Variants in MRPS22 observed in about 807,000 individuals in gnomAD.
The protein encoded by MRPS22 is mitochondrial ribosomal protein S22.
MRPS22 carries 30 observed loss-of-function variants against 44.0 expected under a neutral mutation model. The observed-to-expected ratio is 0.68, with a 90% confidence interval of 0.51 to 0.93. The LOEUF (loss-of-function observed/expected upper bound fraction) is 0.93, where lower values mean the gene tolerates loss of function less well. MRPS22 is among the 40% of genes least tolerant of loss of function. The probability of loss-of-function intolerance (pLI) is 0.00; values close to 1 mark genes in which losing one functional copy is unlikely to be tolerated. For missense variants in MRPS22, 447 were observed against 447.8 expected (o/e 1.00, Z 0.02); for synonymous variants, 165 against 154.4 (o/e 1.07, Z -0.51).
rs552306433 is a variant in MRPS22, at chr3:139,355,922, T to C, written c.987+132T>C. 2.4e-5 allele frequency: 18 copies of C among 743,278 alleles called. No individual in the cohort carries two copies. The South Asian group carries it at 2.7e-4, about 11-fold the overall frequency. 46.0% of individuals were successfully genotyped at this position (743,278 alleles called of 1,614,324 possible). On this transcript the variant is annotated intron_variant, in intron 7 of 7. Coordinates refer to ENST00000680020, the MANE Select transcript of MRPS22 (RefSeq NM_020191.4). ...ACATCTGTGGTCTTGAAAACATCAG[T>C]ATGATTTGTCCCCATATTTCTTCAG...
intron 5 of MRPS22, chr3:139,352,239 G>A (rs550563217): frequency 2.4e-5 from 5 of 208,638 alleles, no homozygotes; most frequent in African/African-American, 1.2e-4. Context: ...CTACAGTGGA[G>A]AAGGCACAGA....
chr3:139,349,484 G>A (rs1199855430), intron 3 of MRPS22: 1 of 230,666 alleles, frequency 4.3e-6, no homozygotes, highest in South Asian at 4.6e-5. Context: ...TGCCACTCCC[G>A]GTATTGCAAA....
chr3:139,351,096 G>A, intron 5 of MRPS22, 36 bp downstream of exon 5: 2 of 1,468,200 alleles, frequency 1.4e-6, no homozygotes, highest in Non-Finnish European at 1.9e-6. Flanking sequence ...ATAGGCTTAA[G>A]TATGGTTATG....
In MRPS22 at chr3:139,348,660, C is replaced by T. The variant is rs1427636073; in HGVS notation, c.504+336C>T. 3.9e-5 allele frequency among the ~76,000 whole-genome samples: 6 copies of T among 152,172 alleles called. 1 individual carries two copies. Among genetic ancestry groups the T allele is most frequent in the Admixed American group, 3.9e-4 (6 of 15,280 alleles). On this transcript the variant is annotated intron_variant, in intron 3 of 7. Transcript: ENST00000680020. Reference sequence around the variant, plus strand: ...GGCAATGGAAGCAGGAGACTCTTTTCGCCTAAGTTAGATGGATTTCTTTAG... The same window carrying T: ...GGCAATGGAAGCAGGAGACTCTTTTTGCCTAAGTTAGATGGATTTCTTTAG...
At chr3:139,346,287 G>T (rs1941037285) in intron 1 of MRPS22, among the ~76,000 whole-genome samples, 1 of 152,092 alleles carries the variant, frequency 6.6e-6, no homozygotes, top group Admixed American at 6.5e-5. Flanking sequence ...TCCAGGCTAT[G>T]CTTAGTTTCT....
chr3:139,348,085 G>A, intron 2 of MRPS22, 75 bp from the exon 3 acceptor site: 1 of 1,482,110 alleles, frequency 6.7e-7, no homozygotes, highest in Non-Finnish European at 9.3e-7. Flanking sequence ...TTTTTTATTA[G>A]TATGTGCTTT....
intron 5 of MRPS22, chr3:139,351,374 A>G (rs560674415): frequency 1.5e-4 from 57 of 371,962 alleles, no homozygotes; most frequent in African/African-American, 1.1e-3. Context: ...TAGGAATCAA[A>G]TTATTTACTA....
Position 139,348,326 on chromosome 3 carries a change from T to A in MRPS22, c.504+2T>A. The A allele has an allele frequency of 6.2e-7, 1 of 1,613,544 alleles. No homozygotes were observed. Among genetic ancestry groups the A allele is most frequent in the Non-Finnish European group, 8.5e-7 (1 of 1,179,744 alleles). ...ATATCATATAGCATACCACACCGGGTGAGTATATGTCTAATCGCAAAATGA... is the reference window on the plus strand; with the variant it reads ...ATATCATATAGCATACCACACCGGGAGAGTATATGTCTAATCGCAAAATGA... On this transcript the variant is annotated splice_donor_variant, in intron 3 of 7. Coordinates refer to ENST00000680020, the MANE Select transcript of MRPS22 (RefSeq NM_020191.4). LOFTEE classifies it high-confidence loss of function.
chr3:139,350,677 C>T (rs901709383), intron 4 of MRPS22: 2 of 362,026 alleles, frequency 5.5e-6, no homozygotes, highest in Non-Finnish European at 1.0e-5. Flanking sequence ...TCGCACCCCC[C>T]CCCCGCAATC....
chr3:139,350,165 T>G lies in MRPS22; in HGVS notation c.505-14T>G. ...CCTCACAAACGCATCCTTGATTATG[T>G]TTTTCTATTTTAGGAGCGTTTTATT... On this transcript the variant is annotated splice_polypyrimidine_tract_variant and intron_variant, in intron 3 of 7. Coordinates refer to ENST00000680020, the MANE Select transcript of MRPS22 (RefSeq NM_020191.4). The G allele has an allele frequency of 1.2e-6, 2 of 1,614,012 alleles. No homozygotes were observed. The highest frequency in any genetic ancestry group is 1.7e-6 in the Non-Finnish European group (2 of 1,179,942).
chr3:139,353,051 T>C (rs1040419934), intron 6 of MRPS22, among the ~76,000 whole-genome samples: 1 of 152,150 alleles, frequency 6.6e-6, no homozygotes, highest in African/African-American at 2.4e-5. Flanking sequence ...TAACTTATCC[T>C]GAGCTCACCA....
At chr3:139,351,210 A>T in intron 5 of MRPS22, 150 bp downstream of exon 5, 4 of 659,224 alleles carry the variant, frequency 6.1e-6, no homozygotes, top group Non-Finnish European at 1.1e-5. Flanking sequence ...TGTGTGCCAG[A>T]TATATATTTT....
At chr3:139,344,532 G>T (rs1405065874) in intron 1 of MRPS22, 1 of 610,052 alleles carries the variant, frequency 1.6e-6, no homozygotes, top group Non-Finnish European at 2.9e-6. Flanking sequence ...TTGTTATAGG[G>T]GACGCACACA....
At position 139,356,919 on chromosome 3, in the gene MRPS22, G is replaced by C; in HGVS notation, c.988G>C (p.Val330Leu). The change falls in exon 8 of 8, where the codon GTC becomes CTC. Residue 330 changes from valine to leucine, a missense_variant and splice_region_variant. Val to Leu is a conservative substitution (Grantham distance 32). Transcript: ENST00000680020. The stretch of plus-strand genomic sequence containing the variant: ...AAAATTTTCTTTTTAATTTAAACAG[G>C]TCTTTGCAAAAACAGAAGCACAGAA... ...QAAEGINLIK[V>L]FAKTEAQKGA... is the part of the protein sequence containing the mutation. 1 of 1,609,232 alleles carries C rather than the reference G, an allele frequency of 6.2e-7. No individual in the cohort carries two copies. Among genetic ancestry groups the C allele is most frequent in the South Asian group, 1.1e-5 (1 of 90,634 alleles).
intron 1 of MRPS22, among the ~76,000 whole-genome samples, chr3:139,346,285 A>G (rs1195125291): frequency 6.6e-6 from 1 of 152,084 alleles, no homozygotes; most frequent in Non-Finnish European, 1.5e-5. Flanking sequence ...AGTCCAGGCT[A>G]TGCTTAGTTT....
At chr3:139,345,501 G>A (rs1179485017) in intron 1 of MRPS22, among the ~76,000 whole-genome samples, 1 of 148,498 alleles carries the variant, frequency 6.7e-6, no homozygotes, top group Non-Finnish European at 1.5e-5. Context: ...TTACCTCATG[G>A]GTTGTTGTGA....
intron 2 of MRPS22, 21 bp downstream of exon 2, chr3:139,347,065 T>C (rs1253257298): frequency 6.2e-7 from 1 of 1,613,858 alleles, no homozygotes. Flanking sequence ...GCAGGAATAT[T>C]GTTAGAATAC....
At position 139,352,779 on chromosome 3, in the gene MRPS22, A is replaced by C. The variant is rs772835214; in HGVS notation, c.865A>C (p.Ile289Leu). 6.2e-7 allele frequency: 1 copy of C among 1,613,364 alleles called. No homozygotes were observed. The highest frequency in any genetic ancestry group is 8.5e-7 in the Non-Finnish European group (1 of 1,179,546). Residue 289 changes from isoleucine to leucine, a missense_variant, in exon 6 of 8, where the codon ATT becomes CTT. By Grantham distance (5) the Ile-to-Leu change is conservative. Transcript: ENST00000680020. ...KKIDGLLIDQ[I>L]QRDLIDDATN... ...GATTGATGGTTTGCTGATTGACCAG[A>C]TTCAGAGAGATTTGTAAGTATGATC...
Position 139,356,806 on chromosome 3 carries a change from T to A in MRPS22, c.988-113T>A, listed in dbSNP as rs146849789. On this transcript the variant is annotated intron_variant, in intron 7 of 7. Coordinates refer to ENST00000680020, the MANE Select transcript of MRPS22 (RefSeq NM_020191.4). ...AAAAATTGTGAAATCTGAAAGCCCT[T>A]TTTAAGTAGGACTCTTTGCTACTAC... 7,706 of 750,350 alleles carry A rather than the reference T, an allele frequency of 0.01. 65 individuals are homozygous for A. The highest frequency in any genetic ancestry group is 0.014 in the Non-Finnish European group (6,093 of 446,232). 46.5% of individuals were successfully genotyped at this position (750,350 alleles called of 1,614,324 possible).
Sources: allele counts gnomAD v4.1 joint callset (sites outside exome capture counted in the v4.1 genomes callset), GRCh38; gene constraint gnomAD v4.1.1; transcripts MANE v1.5; gene names NCBI Gene and HGNC (gene_info 2026-07-23, HGNC 2026-07-21).